Variants in LRRC37A2 observed in about 807,000 individuals in gnomAD.
LRRC37A2 encodes the protein leucine-rich repeat-containing protein 37A2.
Under a neutral mutation model 68.8 loss-of-function variants are expected in LRRC37A2, and 9 were observed. The ratio of observed to expected loss-of-function variants is 0.13; its 90% CI spans 0.08 to 0.23. The LOEUF is 0.23. Ranked by LOEUF, LRRC37A2 falls within the 10% of genes least tolerant of loss-of-function variation. LRRC37A2 has a pLI of 1.00. For synonymous variants in LRRC37A2, 63 were observed against 367.6 expected (o/e 0.17, Z 9.48); for missense variants, 168 against 950.4 (o/e 0.18, Z 10.82).
At chr17:46,900,180 T>TACACACACATATATAC in the LRRC37A2 span, among the ~76,000 whole-genome samples, 1 of 117,234 alleles carries the variant, frequency 8.5e-6, no homozygotes, top group African/African-American at 4.6e-5. Context: ...TATATATATA[T>TACACACACATATATAC]ATATATATAT....
chr17:46,997,276 C>A, the LRRC37A2 span, among the ~76,000 whole-genome samples: 1 of 152,070 alleles, frequency 6.6e-6, no homozygotes, highest in African/African-American at 2.4e-5. Flanking sequence ...CGCTTGAACC[C>A]AGGAGGCGGA....
the LRRC37A2 span, among the ~76,000 whole-genome samples, chr17:46,901,051 G>A: frequency 6.6e-6 from 1 of 152,226 alleles, no homozygotes; most frequent in Non-Finnish European, 1.5e-5. Flanking sequence ...ATTAAAAGAA[G>A]ATTTATCTGA....
the LRRC37A2 span, among the ~76,000 whole-genome samples, chr17:46,502,545 G>A: frequency 6.6e-6 from 1 of 151,010 alleles, no homozygotes; most frequent in Admixed American, 6.6e-5. Flanking sequence ...CAGGCAGTCT[G>A]CCCACCTCAG....
chr17:46,743,776 C>T, the LRRC37A2 span, among the ~76,000 whole-genome samples: 1 of 152,224 alleles, frequency 6.6e-6, no homozygotes, highest in South Asian at 2.1e-4. Context: ...TGCCAGAACC[C>T]TCTTCTCCAT....
At chr17:46,745,797 T>G in the LRRC37A2 span, among the ~76,000 whole-genome samples, 1 of 152,230 alleles carries the variant, frequency 6.6e-6, no homozygotes, top group Non-Finnish European at 1.5e-5. Flanking sequence ...CCATTAGAAT[T>G]TAGTGTTAAA....
At chr17:46,791,343 A>G in the LRRC37A2 span, among the ~76,000 whole-genome samples, 3 of 152,066 alleles carry the variant, frequency 2.0e-5, no homozygotes, top group Non-Finnish European at 4.4e-5. Context: ...AACTGGGATT[A>G]CAGACGAGGA....
chr17:46,849,916 C>T, the LRRC37A2 span, among the ~76,000 whole-genome samples: 28,474 of 149,804 alleles, frequency 0.19, 3,346 homozygotes, highest in East Asian at 0.5. Context: ...GGCGTGATTT[C>T]GGCTCACTGC....
At chr17:46,898,153 C>A in the LRRC37A2 span, among the ~76,000 whole-genome samples, 19 of 152,180 alleles carry the variant, frequency 1.2e-4, no homozygotes, top group African/African-American at 4.3e-4. Context: ...AAAGGCCAAC[C>A]TTTCTCCACA....
chr17:46,757,574 A>G, the LRRC37A2 span: 1 of 152,520 alleles, frequency 6.6e-6, no homozygotes, highest in Non-Finnish European at 1.5e-5. Flanking sequence ...TACAAGTAGC[A>G]TAACATGAGG....
chr17:46,532,515 A>G (rs1390314649), intron 6 of LRRC37A2, among the ~76,000 whole-genome samples: 4 of 146,818 alleles, frequency 2.7e-5, no homozygotes. Context: ...AGTATTTGGT[A>G]GATTCACCAG....
the LRRC37A2 span, among the ~76,000 whole-genome samples, chr17:46,951,239 G>C: frequency 6.6e-6 from 1 of 152,194 alleles, no homozygotes; most frequent in Non-Finnish European, 1.5e-5. Flanking sequence ...TGGAACGGCG[G>C]GTTCCAGAGG....
the LRRC37A2 span, among the ~76,000 whole-genome samples, chr17:47,043,235 T>G: frequency 1.3e-4 from 20 of 152,078 alleles, no homozygotes; most frequent in African/African-American, 4.6e-4. Flanking sequence ...GAATAAAAAT[T>G]TGCATCAAAA....
chr17:46,822,477 G>C, the LRRC37A2 span, among the ~76,000 whole-genome samples: 1 of 152,348 alleles, frequency 6.6e-6, no homozygotes, highest in Non-Finnish European at 1.5e-5. Context: ...CGCGGAGGTC[G>C]GCTCAGAGCC....
At chr17:46,893,755 T>C in the LRRC37A2 span, among the ~76,000 whole-genome samples, 1 of 152,130 alleles carries the variant, frequency 6.6e-6, no homozygotes, top group Non-Finnish European at 1.5e-5. Flanking sequence ...TCTAGAAAGA[T>C]TGCTGTAACT....
chr17:46,740,818 C>T, the LRRC37A2 span, among the ~76,000 whole-genome samples: 528 of 152,132 alleles, frequency 3.5e-3, 3 homozygotes, highest in African/African-American at 0.012. Context: ...TGCACCACCA[C>T]GTCCAGCTAA....
the LRRC37A2 span, among the ~76,000 whole-genome samples, chr17:46,503,400 TGTTTTCCTCTGGCAC>T: frequency 6.8e-6 from 1 of 147,236 alleles, no homozygotes; most frequent in African/African-American, 2.6e-5. Context: ...GAATAAGATA[TGTTTTCCTCTGGCAC>T]TTATGGAGCT....
chr17:46,984,372 C>T, the LRRC37A2 span, among the ~76,000 whole-genome samples: 106,011 of 151,574 alleles, frequency 0.7, 37,685 homozygotes, highest in Middle Eastern at 0.78. Flanking sequence ...TCCCCCGAGC[C>T]GGGCTTAGAG....
chr17:46,543,536 A>G (rs1329958077), intron 8 of LRRC37A2, among the ~76,000 whole-genome samples: 3 of 150,910 alleles, frequency 2.0e-5, no homozygotes, highest in Non-Finnish European at 2.9e-5. Flanking sequence ...AGTTCCATTG[A>G]GTGATGATAG....
At chr17:46,831,305 C>T in the LRRC37A2 span, 3 of 152,254 alleles carry the variant, frequency 2.0e-5, no homozygotes, top group South Asian at 2.1e-4. Flanking sequence ...CCGGAAGCCA[C>T]CTGGCTATGA....
Sources: gnomAD v4.1 joint callset for allele counts (sites outside exome capture counted in the v4.1 genomes callset) on GRCh38, gnomAD v4.1.1 for gene constraint, MANE v1.5 for transcripts, NCBI Gene and HGNC (gene_info 2026-07-23, HGNC 2026-07-21) for gene names.